STAM2: variants seen among roughly 807,000 people sequenced by gnomAD.
STAM2 encodes the protein signal transducing adaptor molecule 2.
A neutral mutation model predicts 65.6 loss-of-function variants in STAM2; 51 were observed. That is an observed-to-expected ratio of 0.78 (90% CI 0.62 to 0.98). The LOEUF is 0.98. STAM2 is among the 50% of genes least tolerant of loss of function. The pLI is 0.00. For missense variants in STAM2, 584 were observed against 617.8 expected (o/e 0.95, Z 0.58); for synonymous variants, 198 against 208.4 (o/e 0.95, Z 0.43).
At chr2:152,171,960 G>T (rs73000995) in intron 1 of STAM2, among the ~76,000 whole-genome samples, 4,578 of 152,266 alleles carry the variant, frequency 0.03, 219 homozygotes, top group African/African-American at 0.11. Context: ...GGAAATCAAT[G>T]AATAAGGAAA....
Position 152,175,628 on chromosome 2 carries a change from G to A in STAM2, c.15C>T (p.Thr5=), listed in dbSNP as rs767480803. 1.2e-6 allele frequency: 2 copies of A among 1,613,810 alleles called. No individual in the cohort carries two copies. Among genetic ancestry groups the A allele is most frequent in the Non-Finnish European group, 1.7e-6 (2 of 1,179,900 alleles). MPLF[T]ANPFEQDVEK... ...CCACGTCTTGCTCGAAGGGGTTGGC[G>A]GTGAACAAAGGCATCTCGCCGGCGC... Residue 5 remains threonine, a synonymous_variant, in exon 1 of 14, where the codon ACC becomes ACT. Coordinates refer to ENST00000263904, the MANE Select transcript of STAM2 (RefSeq NM_005843.6).
At chr2:152,166,602 C>G (rs563748920) in intron 1 of STAM2, among the ~76,000 whole-genome samples, 17 of 152,180 alleles carry the variant, frequency 1.1e-4, no homozygotes, top group African/African-American at 3.4e-4. Context: ...TAGGTTCAAT[C>G]TCTCCATTAA....
chr2:152,148,428 G>A (rs1689377274), intron 2 of STAM2, 128 bp from the exon 3 acceptor site: 4 of 719,998 alleles, frequency 5.6e-6, no homozygotes, highest in Admixed American at 6.6e-5. Flanking sequence ...CCAACACTTC[G>A]GGAAGCCAAG....
At chr2:152,160,530 C>T (rs1161129722) in intron 1 of STAM2, among the ~76,000 whole-genome samples, 4 of 151,798 alleles carry the variant, frequency 2.6e-5, no homozygotes, top group Admixed American at 6.6e-5. Context: ...CCCCTCCGCC[C>T]GGCAGCCACC....
At chr2:152,173,505 T>C (rs1689943313) in intron 1 of STAM2, among the ~76,000 whole-genome samples, 1 of 151,704 alleles carries the variant, frequency 6.6e-6, no homozygotes, top group Non-Finnish European at 1.5e-5. Context: ...CAAGTGATTC[T>C]CCTGCCTCAG....
At chr2:152,133,863 C>T (rs922655607) in intron 8 of STAM2, among the ~76,000 whole-genome samples, 1 of 152,164 alleles carries the variant, frequency 6.6e-6, no homozygotes, top group Non-Finnish European at 1.5e-5. Flanking sequence ...AAATATATGA[C>T]AGCAGACTAT....
intron 11 of STAM2, among the ~76,000 whole-genome samples, chr2:152,129,829 C>T (rs1253566472): frequency 6.6e-6 from 1 of 152,174 alleles, no homozygotes; most frequent in Non-Finnish European, 1.5e-5. Flanking sequence ...ATATTTAATG[C>T]TTTCTCTAAA....
chr2:152,136,640 CAT>C (rs1689160183), intron 7 of STAM2, among the ~76,000 whole-genome samples: 1 of 151,724 alleles, frequency 6.6e-6, no homozygotes, highest in South Asian at 2.1e-4. Context: ...GATGCTAATC[CAT>C]ACAGACCTTT....
chr2:152,150,667 A>G (rs1410693770), intron 1 of STAM2, among the ~76,000 whole-genome samples: 1 of 152,182 alleles, frequency 6.6e-6, no homozygotes, highest in East Asian at 1.9e-4. Context: ...TTAGCCAGGC[A>G]TGGTGGCAAA....
At chr2:152,141,914 C>T (rs1689256126) in intron 7 of STAM2, among the ~76,000 whole-genome samples, 1 of 152,046 alleles carries the variant, frequency 6.6e-6, no homozygotes, top group Admixed American at 6.5e-5. Context: ...AAATGGAGAT[C>T]CAAGAATGAT....
intron 6 of STAM2, 125 bp from the exon 7 acceptor site, chr2:152,144,138 T>A: frequency 9.2e-6 from 6 of 650,712 alleles, no homozygotes; most frequent in East Asian, 4.0e-5. Context: ...ATGCTACAGT[T>A]AACTTTCGGG....
chr2:152,144,152 G>T, intron 6 of STAM2, 139 bp from the exon 7 acceptor site: 5 of 619,562 alleles, frequency 8.1e-6, no homozygotes, highest in Admixed American at 3.2e-5. Flanking sequence ...TTTCGGGAGG[G>T]TGGGGCAGGG....
At chr2:152,140,940 G>C (rs1339402346) in intron 7 of STAM2, among the ~76,000 whole-genome samples, 2 of 151,754 alleles carry the variant, frequency 1.3e-5, no homozygotes, top group East Asian at 3.9e-4. Flanking sequence ...TTTGAGACCA[G>C]CCTGGCCAAC....
chr2:152,175,098 A>T (rs932599359), intron 1 of STAM2, among the ~76,000 whole-genome samples: 1 of 152,192 alleles, frequency 6.6e-6, no homozygotes, highest in African/African-American at 2.4e-5. Flanking sequence ...CTACCCTATC[A>T]GGGATTGAAT....
At chr2:152,135,966 T>C (rs1689146244) in intron 7 of STAM2, among the ~76,000 whole-genome samples, 1 of 151,702 alleles carries the variant, frequency 6.6e-6, no homozygotes, top group African/African-American at 2.4e-5. Flanking sequence ...GGCACACACC[T>C]GTAGTCCCAG....
chr2:152,175,737 T>G lies in STAM2; in HGVS notation c.-95A>C, dbSNP rs1315895562. ...CCGCGGCCGCGGCTCCCTAGACCGC[T>G]CCGCTTCGGCCTCCGTCCCTGCACT... On this transcript the variant is annotated 5_prime_UTR_variant, in exon 1 of 14. Transcript: ENST00000263904. 2 of 1,373,058 alleles carry G rather than the reference T, an allele frequency of 1.5e-6. No individual in the cohort carries two copies. The highest frequency in any genetic ancestry group is 2.9e-5 in the African/African-American group (2 of 69,752). The allele number at this position is 1,373,058 out of a possible 1,614,324, so 85.1% of individuals were successfully genotyped here.
chr2:152,131,006 A>T (rs1168153347), intron 11 of STAM2, among the ~76,000 whole-genome samples: 1 of 151,206 alleles, frequency 6.6e-6, no homozygotes, highest in African/African-American at 2.4e-5. Context: ...AAAAAAAAAA[A>T]AAAAGAAAAA....
chr2:152,144,760 A>T, intron 6 of STAM2, 128 bp downstream of exon 6: 1 of 683,184 alleles, frequency 1.5e-6, no homozygotes, highest in Non-Finnish European at 2.6e-6. Context: ...GCTGGTCTCG[A>T]TCTCTTGACC....
At chr2:152,160,858 C>T (rs569288425) in intron 1 of STAM2, among the ~76,000 whole-genome samples, 9 of 150,378 alleles carry the variant, frequency 6.0e-5, no homozygotes, top group South Asian at 2.1e-4. Flanking sequence ...CCAGCCGCCC[C>T]GTCCGGGAGG....
Sources: gnomAD v4.1 joint callset for allele counts (sites outside exome capture counted in the v4.1 genomes callset) on GRCh38, gnomAD v4.1.1 for gene constraint, MANE v1.5 for transcripts, NCBI Gene and HGNC (gene_info 2026-07-23, HGNC 2026-07-21) for gene names.